Variants in CHD6 observed in about 807,000 individuals in gnomAD.
CHD6 encodes the protein ATP-dependent chromatin remodeler CHD6.
A neutral mutation model predicts 276.9 loss-of-function variants in CHD6; 50 were observed. The observed-to-expected ratio is 0.18, with a 90% CI of 0.14 to 0.23. The LOEUF is 0.23. Ranked by LOEUF, CHD6 falls within the 10% of genes least tolerant of loss-of-function variation. The pLI is 1.00. For missense variants in CHD6, 2,564 were observed against 3,365.8 expected (o/e 0.76, Z 5.89); for synonymous variants, 1,173 against 1,229.3 (o/e 0.95, Z 0.96).
intron 1 of CHD6, among the ~76,000 whole-genome samples, chr20:41,597,498 T>C (rs1207294181): frequency 6.6e-6 from 1 of 152,052 alleles, no homozygotes; most frequent in Non-Finnish European, 1.5e-5. Context: ...AACCTGGAGA[T>C]CATGTCCTTA....
chr20:41,491,329 T>C (rs898950561), intron 11 of CHD6, among the ~76,000 whole-genome samples: 3 of 148,422 alleles, frequency 2.0e-5, no homozygotes, highest in Admixed American at 6.7e-5. Flanking sequence ...CCTATAAATA[T>C]ATATATATAT....
At chr20:41,525,341 C>T (rs1296196795) in intron 3 of CHD6, among the ~76,000 whole-genome samples, 2 of 152,224 alleles carry the variant, frequency 1.3e-5, no homozygotes, top group African/African-American at 4.8e-5. Flanking sequence ...ACAAACCACA[C>T]AGCCATTCTG....
At chr20:41,546,138 T>C (rs1303389418) in intron 2 of CHD6, among the ~76,000 whole-genome samples, 1 of 138,852 alleles carries the variant, frequency 7.2e-6, no homozygotes, top group Admixed American at 7.1e-5. Flanking sequence ...TATTAATAAA[T>C]TAATGCTGAA....
chr20:41,503,816 G>A (rs1443804364), intron 5 of CHD6, among the ~76,000 whole-genome samples: 8 of 151,924 alleles, frequency 5.3e-5, no homozygotes, highest in East Asian at 1.9e-4. Context: ...AGTGGCTCAC[G>A]CCTGTAATCC....
At chr20:41,536,538 T>C (rs890143993) in intron 2 of CHD6, among the ~76,000 whole-genome samples, 2 of 152,174 alleles carry the variant, frequency 1.3e-5, no homozygotes, top group African/African-American at 2.4e-5. Flanking sequence ...ATTCAAGAAC[T>C]TGAAAGTCAA....
chr20:41,584,710 A>G (rs1568717477), intron 1 of CHD6, among the ~76,000 whole-genome samples: 1 of 152,200 alleles, frequency 6.6e-6, no homozygotes, highest in African/African-American at 2.4e-5. Flanking sequence ...TAGACAATAC[A>G]TGGATCAAAA....
rs2046635021 is a variant in CHD6, at chr20:41,405,148, C to T, written c.7593G>A (p.Met2531Ile). The change falls in exon 37 of 37, where the codon ATG becomes ATA. Residue 2531 changes from methionine to isoleucine, a missense_variant. Physicochemically the swap from Met to Ile is conservative, Grantham distance 10 (BLOSUM62 1). Around this residue, in one of 7 missense-constraint regions of CHD6, gnomAD observed 238 missense variants for 266.0 expected, o/e 0.89. Transcript: ENST00000373233. ...GACTGAGGAGTCCCCCAACACCAAACATCTGGGGCACAGCAGCCATGCCTG... is the reference window on the plus strand; with the variant it reads ...GACTGAGGAGTCCCCCAACACCAAATATCTGGGGCACAGCAGCCATGCCTG... ...MLPGMAAVPQ[M>I]FGVGGLLSPP... is the part of the protein sequence containing the mutation. 1 of 1,614,234 alleles carries T rather than the reference C, an allele frequency of 6.2e-7. No homozygotes were observed. The highest frequency in any genetic ancestry group is 1.1e-5 in the South Asian group (1 of 91,084).
At chr20:41,609,788 G>A (rs1423803260) in intron 1 of CHD6, among the ~76,000 whole-genome samples, 2 of 151,526 alleles carry the variant, frequency 1.3e-5, no homozygotes, top group South Asian at 2.1e-4. Context: ...ACTTTGTTAC[G>A]ACTGGACAGT....
chr20:41,519,174 T>C (rs1346998268), intron 3 of CHD6, among the ~76,000 whole-genome samples: 2 of 152,116 alleles, frequency 1.3e-5, no homozygotes, highest in Non-Finnish European at 2.9e-5. Flanking sequence ...TCCCCGCTAC[T>C]TGGGAGGCTG....
At chr20:41,590,037 C>T (rs568941729) in intron 1 of CHD6, among the ~76,000 whole-genome samples, 2 of 152,046 alleles carry the variant, frequency 1.3e-5, no homozygotes, top group Non-Finnish European at 2.9e-5. Context: ...TGGAACAGAA[C>T]AGAGCCCTCA....
intron 1 of CHD6, among the ~76,000 whole-genome samples, chr20:41,581,443 G>A (rs2045538169): frequency 1.3e-5 from 2 of 152,096 alleles, no homozygotes; most frequent in Admixed American, 6.6e-5. Context: ...CTGGGATGCC[G>A]AGGTAGGCGG....
In CHD6 at chr20:41,493,688, G is replaced by A. The variant is rs760860307; in HGVS notation, c.1180-16C>T. The A allele has an allele frequency of 1.2e-6, 2 of 1,612,726 alleles. No homozygotes were observed. The highest frequency in any genetic ancestry group is 1.7e-6 in the Non-Finnish European group (2 of 1,179,460). On this transcript the variant is annotated splice_polypyrimidine_tract_variant and intron_variant, in intron 9 of 36. Coordinates refer to ENST00000373233, the MANE Select transcript of CHD6 (RefSeq NM_032221.5). ...GTGTTACCTCCTGGTGGGAAAACAG[G>A]AAAGAAACTTAATGTTCTATTAGGT...
chr20:41,414,900 C>T, intron 34 of CHD6: 3 of 1,285,464 alleles, frequency 2.3e-6, no homozygotes, highest in Non-Finnish European at 3.0e-6. Context: ...GCCGTGCCGT[C>T]AACAGTGGCT....
chr20:41,503,789 A>C (rs967004305), intron 5 of CHD6, among the ~76,000 whole-genome samples: 4 of 152,128 alleles, frequency 2.6e-5, no homozygotes, highest in Non-Finnish European at 5.9e-5. Flanking sequence ...AAATACTTTG[A>C]ACTTTCGGCT....
chr20:41,595,366 A>G (rs2045707036), intron 1 of CHD6, among the ~76,000 whole-genome samples: 1 of 152,146 alleles, frequency 6.6e-6, no homozygotes, highest in Non-Finnish European at 1.5e-5. Context: ...GTCACCTCAT[A>G]CAGCTTAAGG....
At chr20:41,459,883 G>C (rs988058930) in intron 17 of CHD6, among the ~76,000 whole-genome samples, 1 of 152,272 alleles carries the variant, frequency 6.6e-6, no homozygotes, top group African/African-American at 2.4e-5. Context: ...GTAATAGGCA[G>C]AGGTTGGAAC....
At chr20:41,458,237 G>A (rs984390940) in intron 17 of CHD6, among the ~76,000 whole-genome samples, 1 of 152,192 alleles carries the variant, frequency 6.6e-6, no homozygotes, top group Non-Finnish European at 1.5e-5. Flanking sequence ...CTAATGTACA[G>A]TTCATATAGG....
intron 26 of CHD6, among the ~76,000 whole-genome samples, chr20:41,439,773 G>T (rs1463476733): frequency 6.6e-6 from 1 of 152,214 alleles, no homozygotes; most frequent in Non-Finnish European, 1.5e-5. Flanking sequence ...AACTCATGAG[G>T]AACAGGAACC....
At chr20:41,412,462 T>A (rs1479644440) in intron 35 of CHD6, among the ~76,000 whole-genome samples, 199 bp from the exon 36 acceptor site, 2 of 152,214 alleles carry the variant, frequency 1.3e-5, no homozygotes, top group African/African-American at 4.8e-5. Context: ...CCTACAGTAA[T>A]CTGGAAAACA....
Sources: allele counts gnomAD v4.1 joint callset (sites outside exome capture counted in the v4.1 genomes callset), GRCh38; gene constraint gnomAD v4.1.1; regional missense constraint gnomAD v4.1.1; transcripts MANE v1.5; gene names NCBI Gene and HGNC (gene_info 2026-07-23, HGNC 2026-07-21).